The following MEF2C variants were observed in gnomAD, a reference collection of about 807,000 sequenced individuals.
MEF2C encodes myocyte-specific enhancer factor 2C.
In MEF2C, 6 loss-of-function variants were observed where a neutral mutation model predicts 50.5. The ratio of observed to expected loss-of-function variants is 0.12; its 90% confidence interval spans 0.07 to 0.23. MEF2C has a LOEUF of 0.23. MEF2C is among the 10% of genes least tolerant of loss of function. The pLI, the probability that MEF2C is intolerant of heterozygous loss-of-function variation, is 1.00. For missense variants in MEF2C, 276 were observed against 605.0 expected, an observed-to-expected ratio of 0.46 and a Z score of 5.70; for synonymous variants, 183 against 228.0, an observed-to-expected ratio of 0.80 and a Z score of 1.78.
chr5:88,820,369 T>G (rs948992129), intron 2 of MEF2C, among the ~76,000 whole-genome samples: 1 of 152,000 alleles, frequency 6.6e-6, no homozygotes, highest in South Asian at 2.1e-4. Flanking sequence ...AACTATTTCA[T>G]GTATTGATGT....
At chr5:88,870,190 TAATAC>T (rs1486797316) in intron 1 of MEF2C, among the ~76,000 whole-genome samples, 2 of 152,090 alleles carry the variant, frequency 1.3e-5, no homozygotes, top group African/African-American at 4.8e-5. Flanking sequence ...AATTTTAATA[TAATAC>T]ATTTCATAAT....
At chr5:88,739,215 A>G in intron 6 of MEF2C, 3 of 979,764 alleles carry the variant, frequency 3.1e-6, no homozygotes, top group Non-Finnish European at 3.6e-6. Context: ...GTAATTTGTT[A>G]ATAGTATCTG....
At chr5:88,821,225 C>T (rs1291100689) in intron 2 of MEF2C, among the ~76,000 whole-genome samples, 1 of 151,770 alleles carries the variant, frequency 6.6e-6, no homozygotes, top group African/African-American at 2.4e-5. Flanking sequence ...AAAAGATATT[C>T]AATTATTAGC....
intron 4 of MEF2C, among the ~76,000 whole-genome samples, chr5:88,754,635 G>T (rs1774418252): frequency 6.6e-6 from 1 of 152,134 alleles, no homozygotes; most frequent in African/African-American, 2.4e-5. Context: ...CTATTACACT[G>T]GCTCAAGCAG....
chr5:88,774,543 C>T (rs749703753), intron 3 of MEF2C, among the ~76,000 whole-genome samples: 11 of 152,002 alleles, frequency 7.2e-5, no homozygotes, highest in Non-Finnish European at 1.2e-4. Context: ...AGCATGGTCT[C>T]GATCTCCTGA....
chr5:88,783,173 A>G (rs1010612500), intron 3 of MEF2C, among the ~76,000 whole-genome samples: 2 of 152,204 alleles, frequency 1.3e-5, no homozygotes, highest in African/African-American at 4.8e-5. Context: ...ACATGGTATC[A>G]GGAGCGGCAC....
chr5:88,750,228 A>C (rs370797569), intron 5 of MEF2C: 1 of 348,506 alleles, frequency 2.9e-6, no homozygotes. Context: ...TTTTTGAGAC[A>C]GAGCTTGCTC....
chr5:88,718,258 A>G lies in MEF2C; in HGVS notation c.*4346T>C, dbSNP rs1173216477. ...ACACTGCATCACTAAGAAAGCCAGT[A>G]ACTTTACTGAATTGTCTGCAAAATA... is the stretch of plus-strand genomic sequence containing the variant. On this transcript the variant is annotated 3_prime_UTR_variant, in exon 11 of 11. Transcript: ENST00000504921. 1.3e-5 allele frequency: 2 copies of G among 152,248 alleles called. No homozygotes were observed. The highest frequency in any genetic ancestry group is 1.5e-5 in the Non-Finnish European group (1 of 68,036). 9.4% of individuals were successfully genotyped at this position (152,248 alleles called of 1,614,324 possible).
intron 3 of MEF2C, among the ~76,000 whole-genome samples, chr5:88,803,224 A>G (rs944070396): frequency 2.0e-5 from 3 of 152,254 alleles, no homozygotes; most frequent in Non-Finnish European, 4.4e-5. Flanking sequence ...AAAATAATGC[A>G]TAGTATTTTA....
At chr5:88,730,753 T>C (rs980991027) in intron 7 of MEF2C, among the ~76,000 whole-genome samples, 2 of 152,218 alleles carry the variant, frequency 1.3e-5, no homozygotes, top group African/African-American at 4.8e-5. Context: ...TTATGTGATG[T>C]TTTTGGTTGA....
intron 6 of MEF2C, chr5:88,739,828 GA>G: frequency 2.0e-6 from 2 of 985,308 alleles, no homozygotes; most frequent in South Asian, 9.4e-5. Context: ...TGGGTATGAT[GA>G]AAATTTCAAT....
chr5:88,795,664 C>G (rs1467964647), intron 3 of MEF2C, among the ~76,000 whole-genome samples: 6 of 152,194 alleles, frequency 3.9e-5, no homozygotes, highest in Non-Finnish European at 8.8e-5. Flanking sequence ...CTGGCCAGAA[C>G]TTCCAATACT....
intron 3 of MEF2C, among the ~76,000 whole-genome samples, chr5:88,779,615 G>GTC (rs1470409383): frequency 6.6e-6 from 1 of 151,836 alleles, no homozygotes; most frequent in Non-Finnish European, 1.5e-5. Context: ...GTGTGTGTGT[G>GTC]TGTGTGTGTG....
chr5:88,786,372 G>T (rs186746078), intron 3 of MEF2C, among the ~76,000 whole-genome samples: 1 of 152,140 alleles, frequency 6.6e-6, no homozygotes, highest in Non-Finnish European at 1.5e-5. Context: ...AAAAGTTGAA[G>T]AACTGATTAG....
At chr5:88,867,652 TATC>T (rs1268781098) in intron 1 of MEF2C, among the ~76,000 whole-genome samples, 2 of 152,308 alleles carry the variant, frequency 1.3e-5, no homozygotes, top group South Asian at 2.1e-4. Context: ...TTTACACACA[TATC>T]ATAAAAGTTA....
intron 3 of MEF2C, among the ~76,000 whole-genome samples, chr5:88,770,975 A>G (rs914888849): frequency 7.9e-5 from 12 of 152,356 alleles, no homozygotes; most frequent in African/African-American, 2.9e-4. Flanking sequence ...ACAGTTTCAC[A>G]TGGCTGGGGA....
intron 3 of MEF2C, among the ~76,000 whole-genome samples, chr5:88,787,371 A>G (rs187037715): frequency 1.3e-5 from 2 of 152,190 alleles, no homozygotes; most frequent in Non-Finnish European, 2.9e-5. Context: ...AGGGTTGACA[A>G]TGGGCTCTGA....
At chr5:88,864,899 T>C (rs1160321118) in intron 1 of MEF2C, among the ~76,000 whole-genome samples, 1 of 151,984 alleles carries the variant, frequency 6.6e-6, no homozygotes, top group Non-Finnish European at 1.5e-5. Context: ...TCCTGAGTAG[T>C]TGGGATTACA....
intron 1 of MEF2C, among the ~76,000 whole-genome samples, chr5:88,888,520 G>A (rs963586395): frequency 3.3e-5 from 5 of 152,146 alleles, no homozygotes; most frequent in African/African-American, 9.7e-5. Flanking sequence ...TTGAGTTTAG[G>A]TTTTTAGGCT....
Sources: gnomAD v4.1 joint callset for allele counts (sites outside exome capture counted in the v4.1 genomes callset) on GRCh38, gnomAD v4.1.1 for gene constraint, MANE v1.5 for transcripts, NCBI Gene and HGNC (gene_info 2026-07-23, HGNC 2026-07-21) for gene names.